The following KIF19 variants were observed in gnomAD, a reference collection of about 807,000 sequenced individuals.
KIF19 encodes the protein kinesin family member 19.
A neutral mutation model predicts 106.6 loss-of-function variants in KIF19; 98 were observed. The observed-to-expected ratio is 0.92, with a 90% CI of 0.78 to 1.09. KIF19 has a LOEUF of 1.09. KIF19 is among the 50% of genes least tolerant of loss of function. The pLI, the probability that KIF19 is intolerant of heterozygous loss-of-function variation, is 0.00. For synonymous variants in KIF19, 516 were observed against 584.2 expected (o/e 0.88, Z 1.68); for missense variants, 1,373 against 1,414.3 (o/e 0.97, Z 0.47).
At chr17:74,340,763 C>T (rs549532298) in intron 2 of KIF19, among the ~76,000 whole-genome samples, 78 of 152,352 alleles carry the variant, frequency 5.1e-4, no homozygotes, top group African/African-American at 1.8e-3. Context: ...GTGGAGATCC[C>T]CAAGCCCAGC....
intron 2 of KIF19, among the ~76,000 whole-genome samples, chr17:74,337,625 T>C (rs2054254935): frequency 6.6e-6 from 1 of 152,152 alleles, no homozygotes; most frequent in Non-Finnish European, 1.5e-5. Flanking sequence ...TAGTGCCACC[T>C]CTTCCAGGAA....
At chr17:74,344,639 C>T (rs2054478968) in intron 6 of KIF19, 122 bp from the exon 7 acceptor site, 1 of 1,089,288 alleles carries the variant, frequency 9.2e-7, no homozygotes. Context: ...CCAGCCCACT[C>T]CAGCCTGCCC....
intron 5 of KIF19, 29 bp downstream of exon 5, chr17:74,343,189 G>A (rs2054432716): frequency 6.2e-7 from 1 of 1,607,976 alleles, no homozygotes; most frequent in Admixed American, 1.7e-5. Context: ...GCTCAGATGG[G>A]GCTGGCCTCC....
In KIF19 at chr17:74,341,992, G is replaced by C; in HGVS notation, c.231+6G>C. The C allele has an allele frequency of 6.2e-7, 1 of 1,604,158 alleles. No homozygotes were observed. The highest frequency in any genetic ancestry group is 8.5e-7 in the Non-Finnish European group (1 of 1,174,806). On this transcript the variant is annotated splice_donor_region_variant and intron_variant, in intron 3 of 19. Coordinates refer to ENST00000389916, the MANE Select transcript of KIF19 (RefSeq NM_153209.4). Reference sequence around the variant, plus strand: ...TTGACTTCACCGCCACCCAGGTGAGGGAGGGCCTGGGCTGGAGACACGCAG... The same window carrying C: ...TTGACTTCACCGCCACCCAGGTGAGCGAGGGCCTGGGCTGGAGACACGCAG...
intron 10 of KIF19, among the ~76,000 whole-genome samples, chr17:74,349,553 A>T (rs1326066841): frequency 1.3e-5 from 2 of 152,220 alleles, no homozygotes; most frequent in Non-Finnish European, 2.9e-5. Context: ...CAGAGATCAC[A>T]AGCCGATTTC....
intron 1 of KIF19, among the ~76,000 whole-genome samples, chr17:74,328,091 CAG>C (rs962397529): frequency 6.6e-6 from 1 of 152,224 alleles, no homozygotes; most frequent in Non-Finnish European, 1.5e-5. Flanking sequence ...CGCGGAAACA[CAG>C]AGAGGCTGCT....
chr17:74,348,936 G>A, intron 9 of KIF19: 1 of 540,014 alleles, frequency 1.9e-6, no homozygotes, highest in Non-Finnish European at 3.3e-6. Flanking sequence ...AAATCAGAGA[G>A]ATGGGGGTGG....
chr17:74,327,783 C>T (rs2053953653), intron 1 of KIF19, among the ~76,000 whole-genome samples: 1 of 152,250 alleles, frequency 6.6e-6, no homozygotes, highest in Non-Finnish European at 1.5e-5. Context: ...AAGGAGTCTT[C>T]ACTCGGCCAG....
intron 2 of KIF19, among the ~76,000 whole-genome samples, chr17:74,338,519 A>C (rs1030109210): frequency 6.6e-6 from 1 of 152,014 alleles, no homozygotes; most frequent in African/African-American, 2.4e-5. Flanking sequence ...CTGATTGGGA[A>C]AGACTTCCAC....
At position 74,354,290 on chromosome 17, in the gene KIF19, C is replaced by T. The variant is rs959193516; in HGVS notation, c.2437C>T (p.His813Tyr). Reference sequence around the variant, plus strand: ...GACAGAGCGCAGCAGCCTGTCCCTGCACTCACTGAGCGAGGGCGACGATGC... The same window carrying T: ...GACAGAGCGCAGCAGCCTGTCCCTGTACTCACTGAGCGAGGGCGACGATGC... ...PATERSSLSL[H>Y]SLSEGDDARP... The change falls in exon 18 of 20, where the codon CAC becomes TAC. Residue 813 changes from histidine (H) to tyrosine (Y), a missense_variant. His to Tyr is a moderately conservative substitution (Grantham distance 83). Around this residue, in one of 3 missense-constraint regions of KIF19, gnomAD observed 1,020 missense variants for 1,008.2 expected, o/e 1.01. Transcript: ENST00000389916. 7 of 1,608,714 alleles carry T rather than the reference C, an allele frequency of 4.4e-6. No individual in the cohort carries two copies. The highest frequency in any genetic ancestry group is 1.6e-4 in the Middle Eastern group (1 of 6,076).
intron 3 of KIF19, 74 bp downstream of exon 3, chr17:74,342,060 C>G: frequency 3.3e-5 from 36 of 1,092,446 alleles, no homozygotes; most frequent in Middle Eastern, 2.2e-4. Flanking sequence ...AGGGGCCCTC[C>G]AGGGCCCCTG....
rs1447687190 is a variant in KIF19, at chr17:74,349,284, A to T, written c.1148A>T (p.Asp383Val). Residue 383 changes from aspartate (D) to valine (V), a missense_variant, in exon 10 of 20, where the codon GAT becomes GTT. Transcript: ENST00000389916. Reference sequence around the variant, plus strand: ...ATCCAGCGACTCAAGCGCAAGATTGATGAGCAGACTGGGCGGGGCCAGGCC... The same window carrying T: ...ATCCAGCGACTCAAGCGCAAGATTGTTGAGCAGACTGGGCGGGGCCAGGCC... ...GEIQRLKRKIDEQTGRGQARG... is the reference protein window; with the variant it reads ...GEIQRLKRKIVEQTGRGQARG... 1 of 1,613,136 alleles carries T rather than the reference A, an allele frequency of 6.2e-7. No individual in the cohort carries two copies. Among genetic ancestry groups the T allele is most frequent in the Non-Finnish European group, 8.5e-7 (1 of 1,179,698 alleles).
intron 1 of KIF19, 76 bp from the exon 2 acceptor site, chr17:74,328,349 G>A: frequency 7.3e-7 from 1 of 1,361,824 alleles, no homozygotes; most frequent in Non-Finnish European, 1.0e-6. Flanking sequence ...GAGAAGCCAG[G>A]GGCTTGCTTG....
At chr17:74,341,755 A>G in intron 2 of KIF19, 121 bp from the exon 3 acceptor site, 1 of 727,940 alleles carries the variant, frequency 1.4e-6, no homozygotes, top group South Asian at 1.6e-5. Flanking sequence ...TTCAGAGCCC[A>G]GAAGGGCTTT....
chr17:74,346,397 G>A lies in KIF19; in HGVS notation c.797G>A (p.Arg266His), dbSNP rs370601800. 44 of 1,575,964 alleles carry A rather than the reference G, an allele frequency of 2.8e-5. No homozygotes were observed. The highest frequency in any genetic ancestry group is 7.2e-5 in the Admixed American group (4 of 55,352). Residue 266 changes from arginine (R) to histidine (H), a missense_variant, in exon 8 of 20, where the codon CGT becomes CAT. Physicochemically the swap from Arg to His is conservative, Grantham distance 29. Around this residue, in one of 3 missense-constraint regions of KIF19, gnomAD observed 348 missense variants for 389.5 expected, o/e 0.89. Transcript: ENST00000389916. This position sits in a 1 kb window ranked among gnomAD's most constrained non-coding sequence, Gnocchi z 4.6. ...CCCTAGACACAGAATCGTGGGCAGC[G>A]TATGAAGGAGGGGGCCCACATCAAC... is the stretch of plus-strand genomic sequence containing the variant. ...RASQTQNRGQ[R>H]MKEGAHINRS...
rs1325255762 is a variant in KIF19, at chr17:74,352,344, G to T, written c.1980+4G>T. Reference sequence around the variant, plus strand: ...AGTGGCCTCCAGGGCCCTGCAGGTGGGTGGGCGCCTGGGCGGCCTGAACAT... The same window carrying T: ...AGTGGCCTCCAGGGCCCTGCAGGTGTGTGGGCGCCTGGGCGGCCTGAACAT... On this transcript the variant is annotated splice_donor_region_variant and intron_variant, in intron 14 of 19. Transcript: ENST00000389916. The T allele has an allele frequency of 5.0e-6, 8 of 1,604,302 alleles. No individual in the cohort carries two copies. The African/African-American group carries it at 9.4e-5, about 19-fold the overall frequency.
chr17:74,342,041 C>A, intron 3 of KIF19, 55 bp downstream of exon 3: 1 of 1,398,348 alleles, frequency 7.2e-7, no homozygotes, highest in South Asian at 1.2e-5. Flanking sequence ...ACCCTTAGCC[C>A]CACTCAGGAG....
chr17:74,339,951 C>T (rs116184473), intron 2 of KIF19, among the ~76,000 whole-genome samples: 316 of 152,214 alleles, frequency 2.1e-3, no homozygotes, highest in South Asian at 0.012. Context: ...GTCATGGGTG[C>T]GGGGAACAGG....
chr17:74,352,344 G>A lies in KIF19; in HGVS notation c.1980+4G>A. 6.2e-7 allele frequency: 1 copy of A among 1,604,420 alleles called. No individual in the cohort carries two copies. The highest frequency in any genetic ancestry group is 1.1e-5 in the South Asian group (1 of 89,690). On this transcript the variant is annotated splice_donor_region_variant and intron_variant, in intron 14 of 19. Transcript: ENST00000389916. ...AGTGGCCTCCAGGGCCCTGCAGGTGGGTGGGCGCCTGGGCGGCCTGAACAT... is the reference window on the plus strand; with the variant it reads ...AGTGGCCTCCAGGGCCCTGCAGGTGAGTGGGCGCCTGGGCGGCCTGAACAT...
Sources: gnomAD v4.1 joint callset for allele counts (sites outside exome capture counted in the v4.1 genomes callset) on GRCh38, gnomAD v4.1.1 for gene constraint, gnomAD v4.1.1 regional missense constraint, Gnocchi (gnomAD v3.1) non-coding constraint, MANE v1.5 for transcripts, NCBI Gene and HGNC (gene_info 2026-07-23, HGNC 2026-07-21) for gene names.